The following PLEKHM3 variants were observed in gnomAD, a reference collection of about 807,000 sequenced individuals.
PLEKHM3 encodes pleckstrin homology domain-containing family M member 3.
A neutral mutation model predicts 81.8 loss-of-function variants in PLEKHM3; 45 were observed. That is an observed-to-expected ratio of 0.55 (90% CI 0.43 to 0.71). PLEKHM3 has a LOEUF of 0.71. Ranked by LOEUF, PLEKHM3 falls within the 30% of genes least tolerant of loss-of-function variation. PLEKHM3 has a pLI of 0.00. For synonymous variants in PLEKHM3, 352 were observed against 356.4 expected (o/e 0.99, Z 0.14); for missense variants, 788 against 924.3 (o/e 0.85, Z 1.91).
intron 6 of PLEKHM3, among the ~76,000 whole-genome samples, chr2:207,873,272 G>C (rs1317035717): frequency 1.3e-5 from 2 of 152,160 alleles, no homozygotes; most frequent in African/African-American, 4.8e-5. Context: ...GATCTGAAAT[G>C]GGAGTTGGAA....
At chr2:207,889,295 C>A (rs933726085) in intron 6 of PLEKHM3, among the ~76,000 whole-genome samples, 2 of 152,036 alleles carry the variant, frequency 1.3e-5, no homozygotes, top group Non-Finnish European at 2.9e-5. Flanking sequence ...TGCAGTCAAC[C>A]CTGGTCAAGG....
chr2:207,874,947 A>G (rs1296331191), intron 6 of PLEKHM3, among the ~76,000 whole-genome samples: 1 of 152,100 alleles, frequency 6.6e-6, no homozygotes, highest in Non-Finnish European at 1.5e-5. Context: ...AAAACCATAA[A>G]ATATTTTTAA....
At chr2:207,847,245 G>T (rs2092388912) in intron 7 of PLEKHM3, among the ~76,000 whole-genome samples, 1 of 152,158 alleles carries the variant, frequency 6.6e-6, no homozygotes, top group South Asian at 2.1e-4. Context: ...CAGCCCTGAG[G>T]TTTTCACAGA....
chr2:207,953,271 C>G (rs1690394873), intron 3 of PLEKHM3, among the ~76,000 whole-genome samples: 1 of 152,220 alleles, frequency 6.6e-6, no homozygotes, highest in Admixed American at 6.5e-5. Context: ...ATAGTGAATT[C>G]TCTTCCCAGG....
rs115855607 is a variant in PLEKHM3 at position 207,885,137 on chromosome 2, C to T, written c.1950+23377G>A. Among the ~76,000 whole-genome samples, 391 of 152,304 alleles carry T rather than the reference C, an allele frequency of 2.6e-3. 2 individuals carry two copies. The highest frequency in any genetic ancestry group is 9.0e-3 in the African/African-American group (375 of 41,558). On this transcript the variant is annotated intron_variant, in intron 6 of 7. Coordinates refer to ENST00000427836, the MANE Select transcript of PLEKHM3 (RefSeq NM_001080475.3). ...AGTCATATCCACTGAATCTACGGAG[C>T]GATCCGGTGGCGTGGGAATGTTTTG... is the stretch of plus-strand genomic sequence containing the variant.
At chr2:207,929,963 A>C (rs1409761878) in intron 5 of PLEKHM3, 1 of 693,422 alleles carries the variant, frequency 1.4e-6, no homozygotes, top group Non-Finnish European at 2.6e-6. Flanking sequence ...AAAAATTAAA[A>C]GGTATTTTTA....
At chr2:207,848,761 G>A (rs1393133211) in intron 7 of PLEKHM3, among the ~76,000 whole-genome samples, 1 of 152,132 alleles carries the variant, frequency 6.6e-6, no homozygotes, top group Non-Finnish European at 1.5e-5. Flanking sequence ...GCAGTGAAAC[G>A]CAAAATGACA....
rs1189153375 is a variant in PLEKHM3, at chr2:208,001,628, C to T, written c.12G>A (p.Leu4=). 6.2e-7 allele frequency: 1 copy of T among 1,613,214 alleles called. No homozygotes were observed. The highest frequency in any genetic ancestry group is 2.2e-5 in the East Asian group (1 of 44,878). MEA[L]EVDDISPALE... ...AGGCTGGGCTGATATCATCCACTTC[C>T]AAAGCTTCCATGTCACAGGCTCCAG... The change falls in exon 2 of 8, where the codon TTG becomes TTA. Residue 4 remains leucine (L), a synonymous_variant. Transcript: ENST00000427836.
chr2:207,991,046 T>C (rs1052584324), intron 2 of PLEKHM3, among the ~76,000 whole-genome samples: 4 of 152,200 alleles, frequency 2.6e-5, no homozygotes, highest in Admixed American at 6.5e-5. Context: ...TTTTCTCAAG[T>C]GTGAACCTGA....
chr2:207,898,402 T>C (rs892657470), intron 6 of PLEKHM3, among the ~76,000 whole-genome samples: 1 of 152,128 alleles, frequency 6.6e-6, no homozygotes, highest in Non-Finnish European at 1.5e-5. Context: ...ATTTGCCTGG[T>C]CTCTGCAGGA....
chr2:207,830,245 C>T (rs548237782), intron 7 of PLEKHM3, among the ~76,000 whole-genome samples: 31 of 152,186 alleles, frequency 2.0e-4, no homozygotes, highest in African/African-American at 6.0e-4. Context: ...ACTGTGTCCC[C>T]GTTAGTCATA....
At chr2:207,894,629 T>C (rs1688162513) in intron 6 of PLEKHM3, among the ~76,000 whole-genome samples, 1 of 152,062 alleles carries the variant, frequency 6.6e-6, no homozygotes, top group Non-Finnish European at 1.5e-5. Flanking sequence ...CCTCTAGAAA[T>C]AGAGAATGTG....
intron 6 of PLEKHM3, among the ~76,000 whole-genome samples, chr2:207,899,259 T>C (rs1161494248): frequency 2.6e-5 from 4 of 152,206 alleles, no homozygotes; most frequent in Non-Finnish European, 4.4e-5. Context: ...TGGTTATCCT[T>C]CTAGTCCCTT....
At chr2:207,958,040 T>C (rs1458918618) in intron 3 of PLEKHM3, among the ~76,000 whole-genome samples, 4 of 152,178 alleles carry the variant, frequency 2.6e-5, no homozygotes. Context: ...AACGCCACTG[T>C]TGGAAAAACC....
intron 3 of PLEKHM3, among the ~76,000 whole-genome samples, chr2:207,956,456 G>A (rs1690511090): frequency 6.6e-6 from 1 of 151,856 alleles, no homozygotes; most frequent in Non-Finnish European, 1.5e-5. Context: ...TTGGGCAACG[G>A]TATGAGACTC....
chr2:208,016,620 A>T (rs1692923608), intron 1 of PLEKHM3, among the ~76,000 whole-genome samples: 1 of 144,622 alleles, frequency 6.9e-6, no homozygotes, highest in Non-Finnish European at 1.5e-5. Flanking sequence ...ACTGTACTCC[A>T]ACCTGGGTGA....
At chr2:207,960,576 GTAT>G (rs989021874) in intron 3 of PLEKHM3, among the ~76,000 whole-genome samples, 49 of 152,322 alleles carry the variant, frequency 3.2e-4, no homozygotes, top group African/African-American at 1.0e-3. Context: ...GAAAGAAGAG[GTAT>G]TATTCATTTA....
intron 5 of PLEKHM3, among the ~76,000 whole-genome samples, chr2:207,914,681 CAAAA>C (rs34724181): frequency 2.3e-4 from 26 of 112,840 alleles, no homozygotes; most frequent in Non-Finnish European, 2.3e-4. Flanking sequence ...GACCCTGTGT[CAAAA>C]AAAAAAAAAA....
chr2:207,893,110 C>T lies in PLEKHM3; in HGVS notation c.1950+15404G>A, dbSNP rs147272211. Reference sequence around the variant, plus strand: ...GGTCTCATGGAGACAGAGAAAGCAGCAGCCAGTTGGAAAACAAAAAAAGCG... The same window carrying T: ...GGTCTCATGGAGACAGAGAAAGCAGTAGCCAGTTGGAAAACAAAAAAAGCG... On this transcript the variant is annotated intron_variant, in intron 6 of 7. Coordinates refer to ENST00000427836, the MANE Select transcript of PLEKHM3 (RefSeq NM_001080475.3). 4.3e-3 allele frequency among the ~76,000 whole-genome samples: 633 copies of T among 146,732 alleles called. 3 individuals are homozygous for T. Among genetic ancestry groups the T allele is most frequent in the African/African-American group, 0.014 (584 of 40,824 alleles).
Sources: gnomAD v4.1 joint callset for allele counts (sites outside exome capture counted in the v4.1 genomes callset) on GRCh38, gnomAD v4.1.1 for gene constraint, MANE v1.5 for transcripts, NCBI Gene and HGNC (gene_info 2026-07-23, HGNC 2026-07-21) for gene names.